Variants in LDAH observed in about 807,000 individuals in gnomAD.
The protein encoded by LDAH is lipid droplet associated hydrolase.
LDAH carries 26 observed loss-of-function variants against 29.6 expected under a neutral mutation model. The ratio of observed to expected loss-of-function variants is 0.88; its 90% CI spans 0.64 to 1.22. The LOEUF is 1.22. LDAH is among the 50% of genes most tolerant of loss of function. The pLI is 0.00. For missense variants in LDAH, 344 were observed against 387.3 expected (o/e 0.89, Z 0.94); for synonymous variants, 117 against 133.0 (o/e 0.88, Z 0.83).
chr2:20,789,264 C>T, intron 3 of LDAH: 3 of 1,550,478 alleles, frequency 1.9e-6, no homozygotes, highest in Non-Finnish European at 2.6e-6. Flanking sequence ...CAGATGGGGT[C>T]ATGAGGGTAG....
rs1667609389 is a variant in LDAH, at chr2:20,746,902, A to C, written c.469-6697T>G. ...TACCAGAATGAACTTTTGATAATGA[A>C]GCACAACCGTGTTTTCTTGAACAGT... On this transcript the variant is annotated intron_variant, in intron 4 of 6. Transcript: ENST00000237822. 2.6e-5 allele frequency among the ~76,000 whole-genome samples: 4 copies of C among 152,188 alleles called. No individual in the cohort carries two copies. In the South Asian group the frequency reaches 8.3e-4, roughly 32 times the overall value.
At chr2:20,766,587 GTTA>G (rs906524033) in intron 4 of LDAH, among the ~76,000 whole-genome samples, 10 of 152,244 alleles carry the variant, frequency 6.6e-5, no homozygotes, top group African/African-American at 2.4e-4. Flanking sequence ...CTGACATTGT[GTTA>G]TTATAGCACA....
At chr2:20,778,624 T>C (rs1402973228) in intron 3 of LDAH, among the ~76,000 whole-genome samples, 2 of 152,148 alleles carry the variant, frequency 1.3e-5, no homozygotes, top group Non-Finnish European at 2.9e-5. Context: ...ACCTTTGCCT[T>C]TCAGGAGATC....
At chr2:20,713,606 C>T (rs1664934814) in intron 5 of LDAH, among the ~76,000 whole-genome samples, 2 of 152,112 alleles carry the variant, frequency 1.3e-5, no homozygotes, top group African/African-American at 4.8e-5. Context: ...TGGATAGAGT[C>T]AAGACCCATC....
At chr2:20,758,168 A>C (rs1668461081) in intron 4 of LDAH, among the ~76,000 whole-genome samples, 1 of 152,246 alleles carries the variant, frequency 6.6e-6, no homozygotes, top group Non-Finnish European at 1.5e-5. Flanking sequence ...TGGAATTATC[A>C]GACACAATCT....
intron 1 of LDAH, among the ~76,000 whole-genome samples, chr2:20,820,512 G>A (rs1456881719): frequency 6.6e-6 from 1 of 152,148 alleles, no homozygotes; most frequent in Non-Finnish European, 1.5e-5. Flanking sequence ...CAAGAAATGG[G>A]GAAAGGATTC....
chr2:20,699,297 C>T (rs990810579), intron 6 of LDAH, among the ~76,000 whole-genome samples: 1 of 152,070 alleles, frequency 6.6e-6, no homozygotes, highest in Non-Finnish European at 1.5e-5. Flanking sequence ...TAATCCCGGG[C>T]ATTGGTTTTA....
At chr2:20,800,552 T>C (rs1272749321) in intron 2 of LDAH, among the ~76,000 whole-genome samples, 1 of 152,258 alleles carries the variant, frequency 6.6e-6, no homozygotes, top group Non-Finnish European at 1.5e-5. Flanking sequence ...CTATTGACAA[T>C]GATCTAGCAA....
chr2:20,757,012 G>A (rs1051727772), intron 4 of LDAH, among the ~76,000 whole-genome samples: 1 of 152,244 alleles, frequency 6.6e-6, no homozygotes, highest in African/African-American at 2.4e-5. Context: ...GATAGGAGGT[G>A]AAGATGGCAG....
intron 4 of LDAH, among the ~76,000 whole-genome samples, chr2:20,744,379 T>C (rs1481002990): frequency 6.6e-6 from 1 of 152,126 alleles, no homozygotes; most frequent in East Asian, 1.9e-4. Flanking sequence ...TATCATCCTA[T>C]GATTAAGTCT....
rs1313310638 is a variant in LDAH at position 20,729,984 on chromosome 2, C to G, written c.703+9987G>C. 2.0e-5 allele frequency among the ~76,000 whole-genome samples: 3 copies of G among 152,184 alleles called. No homozygotes were observed. In the East Asian group the frequency reaches 5.8e-4, roughly 29 times the overall value. The stretch of plus-strand genomic sequence containing the variant: ...CTAAATTTTCATCTTTAATTTTTAA[C>G]CCCTGGCAACCACTAATCTGTTCTT... On this transcript the variant is annotated intron_variant, in intron 5 of 6. Coordinates refer to ENST00000237822, the MANE Select transcript of LDAH (RefSeq NM_021925.4).
At chr2:20,745,879 T>A (rs1330293949) in intron 4 of LDAH, among the ~76,000 whole-genome samples, 2 of 151,850 alleles carry the variant, frequency 1.3e-5, no homozygotes, top group Non-Finnish European at 1.5e-5. Context: ...TTGCTAGGGG[T>A]GGTGGGATAG....
chr2:20,712,491 T>C (rs1212574181), intron 5 of LDAH, among the ~76,000 whole-genome samples: 3 of 152,152 alleles, frequency 2.0e-5, no homozygotes, highest in Non-Finnish European at 4.4e-5. Flanking sequence ...CTCCAAAGGA[T>C]TGCAGCTCCT....
chr2:20,742,481 T>C (rs1225322088), intron 4 of LDAH, among the ~76,000 whole-genome samples: 1 of 152,250 alleles, frequency 6.6e-6, no homozygotes, highest in Non-Finnish European at 1.5e-5. Flanking sequence ...GATGCTTTGC[T>C]GCTAGGCACA....
At chr2:20,789,486 C>T (rs1572635352) in intron 3 of LDAH, 2 of 1,227,568 alleles carry the variant, frequency 1.6e-6, no homozygotes, top group East Asian at 5.2e-5. Flanking sequence ...GCAGCCCAAA[C>T]TGACTAAGAC....
chr2:20,797,826 A>C (rs1370240138), intron 2 of LDAH, among the ~76,000 whole-genome samples: 1 of 151,760 alleles, frequency 6.6e-6, no homozygotes, highest in Admixed American at 6.5e-5. Context: ...ATGAGACTAC[A>C]AAAAAGAAAA....
intron 3 of LDAH, among the ~76,000 whole-genome samples, chr2:20,776,604 T>TACAATCCATTCTTCC (rs2125024665): frequency 1.3e-5 from 2 of 152,294 alleles, no homozygotes; most frequent in Admixed American, 1.3e-4. Context: ...ATTCTCCACT[T>TACAATCCATTCTTCC]AACAAGGAAG....
intron 5 of LDAH, among the ~76,000 whole-genome samples, chr2:20,705,254 T>C (rs1055452513): frequency 6.6e-6 from 1 of 152,224 alleles, no homozygotes; most frequent in African/African-American, 2.4e-5. Flanking sequence ...ATTTCAATTT[T>C]AGTTTCTTGG....
At chr2:20,697,679 C>G (rs1381423821) in intron 6 of LDAH, among the ~76,000 whole-genome samples, 4 of 152,212 alleles carry the variant, frequency 2.6e-5, no homozygotes, top group African/African-American at 4.8e-5. Context: ...TAAGCCACAA[C>G]ATCATGCTAC....
Sources: gnomAD v4.1 joint callset for allele counts (sites outside exome capture counted in the v4.1 genomes callset) on GRCh38, gnomAD v4.1.1 for gene constraint, MANE v1.5 for transcripts, NCBI Gene and HGNC (gene_info 2026-07-23, HGNC 2026-07-21) for gene names.